The following DPP10 variants were observed in gnomAD, a reference collection of about 807,000 sequenced individuals.
The protein encoded by DPP10 is inactive dipeptidyl peptidase 10.
DPP10 carries 33 observed loss-of-function variants against 120.9 expected under a neutral mutation model. That is an observed-to-expected ratio of 0.27 (90% CI 0.21 to 0.37). The LOEUF (loss-of-function observed/expected upper bound fraction) is 0.37. Among genes scored for constraint, DPP10 ranks in the 10% least tolerant of loss-of-function variants. The pLI, the probability that DPP10 is intolerant of heterozygous loss-of-function variation, is 1.00. For missense variants in DPP10, 816 were observed against 942.8 expected (o/e 0.87, Z 1.76); for synonymous variants, 337 against 326.1 (o/e 1.03, Z -0.36).
intron 1 of DPP10, among the ~76,000 whole-genome samples, chr2:114,618,519 A>G (rs1693844270): frequency 6.6e-6 from 1 of 152,054 alleles, no homozygotes; most frequent in Non-Finnish European, 1.5e-5. Context: ...TTCAGGAAAC[A>G]CACTCAATAC....
chr2:115,798,744 T>C (rs575507053), intron 19 of DPP10, among the ~76,000 whole-genome samples: 4 of 152,278 alleles, frequency 2.6e-5, no homozygotes, highest in South Asian at 2.1e-4. Flanking sequence ...ATACAATTGT[T>C]ATTAATATAG....
intron 1 of DPP10, among the ~76,000 whole-genome samples, chr2:114,546,846 T>C (rs1687443342): frequency 6.6e-6 from 1 of 152,252 alleles, no homozygotes; most frequent in African/African-American, 2.4e-5. Flanking sequence ...TCTTCTTTCC[T>C]TGGCTAACAA....
intron 21 of DPP10, among the ~76,000 whole-genome samples, chr2:115,817,169 C>A (rs1000107850): frequency 6.6e-6 from 1 of 151,798 alleles, no homozygotes; most frequent in African/African-American, 2.4e-5. Flanking sequence ...AATGGCTGAT[C>A]CCGGGAGGCA....
intron 1 of DPP10, among the ~76,000 whole-genome samples, chr2:114,611,045 A>C (rs1164790107): frequency 2.0e-5 from 3 of 152,078 alleles, no homozygotes; most frequent in South Asian, 2.1e-4. Context: ...TATAATTACG[A>C]AGGCTGTCCC....
chr2:115,766,600 T>C (rs992508259), intron 12 of DPP10, among the ~76,000 whole-genome samples: 1 of 152,028 alleles, frequency 6.6e-6, no homozygotes, highest in Non-Finnish European at 1.5e-5. Context: ...TGGTGTTAGT[T>C]GCTGTATTAG....
intron 1 of DPP10, among the ~76,000 whole-genome samples, chr2:114,581,918 A>G (rs1001164250): frequency 4.6e-5 from 7 of 152,206 alleles, no homozygotes; most frequent in African/African-American, 1.7e-4. Flanking sequence ...GTACCACACC[A>G]GAGAGGTACA....
At chr2:115,532,458 A>G (rs1345651240) in intron 5 of DPP10, among the ~76,000 whole-genome samples, 4 of 152,092 alleles carry the variant, frequency 2.6e-5, no homozygotes, top group African/African-American at 9.7e-5. Context: ...AAATCATATC[A>G]ACTAATTCCT....
chr2:115,354,610 T>C (rs999869645), intron 3 of DPP10, among the ~76,000 whole-genome samples: 1 of 151,912 alleles, frequency 6.6e-6, no homozygotes, highest in East Asian at 1.9e-4. Context: ...TTTAAGTTCA[T>C]GTGCAGAACG....
rs543919733 is a variant in DPP10 at position 115,746,329 on chromosome 2, G to T, written c.950+146G>T. On this transcript the variant is annotated intron_variant, in intron 10 of 25. Coordinates refer to ENST00000410059, the MANE Select transcript of DPP10 (RefSeq NM_020868.6). ...GTTGCCTACATTAGTGAGGAATGAA[G>T]TCATTCTCGGTCTCTGGCTGTTCCT... 8.8e-5 allele frequency: 63 copies of T among 719,346 alleles called. No individual in the cohort carries two copies. In the East Asian group the frequency reaches 1.7e-3, roughly 20 times the overall value. 44.6% of individuals were successfully genotyped at this position (719,346 alleles called of 1,614,324 possible). A position where few individuals can be genotyped will look rare whatever the true frequency, so the allele number is the denominator to read the frequency against.
chr2:115,370,647 C>G (rs2106396679), intron 3 of DPP10, among the ~76,000 whole-genome samples: 1 of 152,250 alleles, frequency 6.6e-6, no homozygotes, highest in East Asian at 1.9e-4. Flanking sequence ...CCAGGGTACT[C>G]AGATTCTTCA....
rs997555683 is a variant in DPP10 at position 114,505,144 on chromosome 2, A to G, written c.60+62306A>G. On this transcript the variant is annotated intron_variant, in intron 1 of 25. Transcript: ENST00000410059. Reference sequence around the variant, plus strand: ...CACAATTTGCTAAAATTTTACATATATGTGGAAGTCCTTACAAAACAAAAT... The same window carrying G: ...CACAATTTGCTAAAATTTTACATATGTGTGGAAGTCCTTACAAAACAAAAT... Among the ~76,000 whole-genome samples, 3 of 151,570 alleles carry G rather than the reference A, an allele frequency of 2.0e-5. No individual in the cohort carries two copies. The South Asian group carries it at 6.3e-4, about 32-fold the overall frequency.
At chr2:115,167,393 AAAAC>A (rs142540388) in intron 1 of DPP10, among the ~76,000 whole-genome samples, 55,081 of 150,788 alleles carry the variant, frequency 0.37, 11,734 homozygotes, top group Non-Finnish European at 0.48. Context: ...CTTTGTCTCT[AAAAC>A]AAACAAACAA....
intron 1 of DPP10, among the ~76,000 whole-genome samples, chr2:114,947,037 G>A (rs1264689807): frequency 6.6e-6 from 1 of 151,996 alleles, no homozygotes; most frequent in East Asian, 1.9e-4. Flanking sequence ...CAAGAAATAT[G>A]AACATTTCAT....
chr2:115,281,512 A>G (rs766657904), intron 1 of DPP10, among the ~76,000 whole-genome samples: 2 of 152,184 alleles, frequency 1.3e-5, no homozygotes, highest in African/African-American at 4.8e-5. Context: ...AGTAATGGCT[A>G]TATCGCTTGG....
At chr2:115,025,158 TC>T (rs1247500164) in intron 1 of DPP10, among the ~76,000 whole-genome samples, 2 of 147,254 alleles carry the variant, frequency 1.4e-5, no homozygotes, top group Non-Finnish European at 3.0e-5. Context: ...CTCCTCCACC[TC>T]CCCTTCTCAG....
intron 1 of DPP10, among the ~76,000 whole-genome samples, chr2:114,756,219 G>A (rs904529010): frequency 9.9e-5 from 15 of 152,170 alleles, no homozygotes; most frequent in African/African-American, 3.4e-4. Context: ...TGGAAGAGTG[G>A]GAAAGGTAGA....
intron 1 of DPP10, among the ~76,000 whole-genome samples, chr2:115,136,796 C>T (rs903186756): frequency 8.5e-5 from 13 of 152,090 alleles, no homozygotes; most frequent in African/African-American, 2.7e-4. Flanking sequence ...CAGAGGTTGA[C>T]CCAAGTCATA....
At chr2:115,101,850 A>C (rs1022568217) in intron 1 of DPP10, among the ~76,000 whole-genome samples, 6 of 152,184 alleles carry the variant, frequency 3.9e-5, no homozygotes, top group Non-Finnish European at 8.8e-5. Context: ...TTGCTACTCT[A>C]GTTCAGTTAA....
chr2:114,495,428 A>G (rs530204701), intron 1 of DPP10, among the ~76,000 whole-genome samples: 50 of 152,320 alleles, frequency 3.3e-4, no homozygotes, highest in African/African-American at 1.2e-3. Context: ...ATACTGCTTT[A>G]GCTCTGGGAA....
Sources: allele counts gnomAD v4.1 joint callset (sites outside exome capture counted in the v4.1 genomes callset), GRCh38; gene constraint gnomAD v4.1.1; transcripts MANE v1.5; gene names NCBI Gene and HGNC (gene_info 2026-07-23, HGNC 2026-07-21).